Variants in PCDHGA8 observed in about 807,000 individuals in gnomAD.
The protein encoded by PCDHGA8 is protocadherin gamma subfamily A, 8.
In PCDHGA8, 45 loss-of-function variants were observed where a neutral mutation model predicts 59.2. The observed-to-expected ratio is 0.76, with a 90% CI of 0.60 to 0.98. PCDHGA8 has a LOEUF of 0.98. PCDHGA8 is among the 50% of genes least tolerant of loss of function. The probability of loss-of-function intolerance (pLI) is 0.00; values close to 1 mark genes in which losing one functional copy is unlikely to be tolerated. For synonymous variants in PCDHGA8, 531 were observed against 519.0 expected (o/e 1.02, Z -0.32); for missense variants, 1,257 against 1,196.2 (o/e 1.05, Z -0.75).
intron 1 of PCDHGA8, chr5:141,421,708 C>T (rs2096594348): frequency 1.9e-6 from 3 of 1,613,780 alleles, no homozygotes; most frequent in South Asian, 2.2e-5. Flanking sequence ...TGCTAGGGAT[C>T]CAGATGTGGG....
At chr5:141,414,640 G>A (rs1035735674) in intron 1 of PCDHGA8, 2 of 1,613,838 alleles carry the variant, frequency 1.2e-6, no homozygotes, top group Non-Finnish European at 1.7e-6. Flanking sequence ...CAAAGAGAAT[G>A]CCCAGATTAT....
At chr5:141,449,723 GA>G (rs1432635918) in intron 1 of PCDHGA8, among the ~76,000 whole-genome samples, 2 of 150,880 alleles carry the variant, frequency 1.3e-5, no homozygotes, top group Admixed American at 6.6e-5. Flanking sequence ...TATATGATAT[GA>G]TTTTTTTATG....
At chr5:141,480,033 C>T (rs370321166) in intron 1 of PCDHGA8, among the ~76,000 whole-genome samples, 1 of 152,106 alleles carries the variant, frequency 6.6e-6, no homozygotes, top group African/African-American at 2.4e-5. Flanking sequence ...AAGCCTCTTC[C>T]TCATATGCAA....
At position 141,485,035 on chromosome 5, in the gene PCDHGA8, AC is replaced by A; in HGVS notation, c.2425-9769del. ...CCGCCACCAGCAAAAACGGCGCGTA[AC>A]CCTTGCGGCGCCGGCCGAACCGCGC... On this transcript the variant is annotated intron_variant, in intron 1 of 3. Coordinates refer to ENST00000398604, the MANE Select transcript of PCDHGA8 (RefSeq NM_032088.2). The surrounding 1 kb of genome is among the most constrained non-coding windows in gnomAD (Gnocchi z 5.7). 1.4e-6 allele frequency: 1 copy of A among 694,388 alleles called. No homozygotes were observed. Among genetic ancestry groups the A allele is most frequent in the East Asian group, 2.6e-5 (1 of 38,852 alleles). The allele number at this position is 694,388 out of a possible 1,614,324, so 43.0% of individuals were successfully genotyped here.
intron 1 of PCDHGA8, chr5:141,415,752 T>C: frequency 7.3e-7 from 1 of 1,372,622 alleles, no homozygotes; most frequent in Non-Finnish European, 9.4e-7. Flanking sequence ...TTTTTTTTTT[T>C]TTTTTTTTTT....
At chr5:141,405,186 G>T (rs762537440) in intron 1 of PCDHGA8, 2 of 1,612,892 alleles carry the variant, frequency 1.2e-6, no homozygotes, top group Non-Finnish European at 1.7e-6. Context: ...GGTGTAGATG[G>T]GGTTCGAGCT....
chr5:141,432,139 TATCCCAGAGAACA>T lies in PCDHGA8; in HGVS notation c.2424+36912_2424+36924del, dbSNP rs745506362. On this transcript the variant is annotated intron_variant, in intron 1 of 3. Transcript: ENST00000398604. The surrounding 1 kb of genome is among the most constrained non-coding windows in gnomAD (Gnocchi z 6.0). ...TCCCTCAGGCCTCCTATTCCGCTTA[TATCCCAGAGAACA>T]ATCCCAGAGGAGTTTCCCTCGTCTC... 1.1e-5 allele frequency: 17 copies of T among 1,613,976 alleles called. No individual in the cohort carries two copies. The highest frequency in any genetic ancestry group is 1.3e-5 in the African/African-American group (1 of 74,892).
intron 3 of PCDHGA8, among the ~76,000 whole-genome samples, chr5:141,506,682 C>A (rs1333272766): frequency 6.6e-6 from 1 of 152,192 alleles, no homozygotes; most frequent in East Asian, 1.9e-4. Context: ...ATATTATTAT[C>A]TTTGCTGACC....
rs1228153118 is a variant in PCDHGA8 at position 141,433,077 on chromosome 5, C to G, written c.2424+37840C>G. 5.0e-6 allele frequency: 8 copies of G among 1,614,080 alleles called. No homozygotes were observed. The African/African-American group carries it at 6.7e-5, about 13-fold the overall frequency. On this transcript the variant is annotated intron_variant, in intron 1 of 3. Transcript: ENST00000398604. Reference sequence around the variant, plus strand: ...AAGAGTCACCTGATCTTCCCCCAGCCCAACTATGCAGACATGCTCGTCAGC... The same window carrying G: ...AAGAGTCACCTGATCTTCCCCCAGCGCAACTATGCAGACATGCTCGTCAGC...
rs561499055 is a variant in PCDHGA8 at position 141,423,745 on chromosome 5, C to G, written c.2424+28508C>G. 10 of 605,688 alleles carry G rather than the reference C, an allele frequency of 1.7e-5. No individual in the cohort carries two copies. The East Asian group carries it at 3.1e-4, about 19-fold the overall frequency. The allele number at this position is 605,688 out of a possible 1,614,324, so 37.5% of individuals were successfully genotyped here. A position where few individuals can be genotyped will look rare whatever the true frequency, so the allele number is the denominator to read the frequency against. The stretch of plus-strand genomic sequence containing the variant: ...ATGTTTTTTGAGCCTGTTATGAAAA[C>G]TGTTTGGGGGGGGGGTGGGGCGGCA... On this transcript the variant is annotated intron_variant, in intron 1 of 3. Coordinates refer to ENST00000398604, the MANE Select transcript of PCDHGA8 (RefSeq NM_032088.2).
intron 1 of PCDHGA8, 133 bp downstream of exon 1, chr5:141,395,370 G>A (rs377682598): frequency 1.7e-6 from 2 of 1,207,198 alleles, no homozygotes; most frequent in South Asian, 1.7e-5. Flanking sequence ...GTTTATTTTG[G>A]TGGTGTTACT....
chr5:141,470,459 A>T (rs59770804), intron 1 of PCDHGA8, among the ~76,000 whole-genome samples: 32,627 of 152,034 alleles, frequency 0.21, 3,610 homozygotes, highest in African/African-American at 0.27. Context: ...CTTGAATAGG[A>T]TTTTCTGATA....
At chr5:141,497,677 C>T in intron 2 of PCDHGA8, among the ~76,000 whole-genome samples, 1 of 151,836 alleles carries the variant, frequency 6.6e-6, no homozygotes, top group East Asian at 1.9e-4. Context: ...GTAGCTGGGA[C>T]AGCAGGTGTG....
intron 1 of PCDHGA8, chr5:141,407,992 G>A (rs929571955): frequency 4.3e-5 from 37 of 851,508 alleles, no homozygotes; most frequent in Middle Eastern, 3.7e-4. Context: ...GTCAGCCTCT[G>A]GCCTGGGATT....
intron 2 of PCDHGA8, among the ~76,000 whole-genome samples, chr5:141,505,145 G>A (rs540889707): frequency 1.3e-5 from 2 of 152,288 alleles, no homozygotes; most frequent in East Asian, 3.9e-4. Flanking sequence ...CTGGATGACA[G>A]AGTAAGACCC....
Position 141,476,641 on chromosome 5 carries a change from C to A in PCDHGA8, c.2425-18166C>A, listed in dbSNP as rs1183948220. The A allele has an allele frequency of 1.2e-6, 2 of 1,614,256 alleles. No homozygotes were observed. The highest frequency in any genetic ancestry group is 1.7e-5 in the Admixed American group (1 of 60,030). On this transcript the variant is annotated intron_variant, in intron 1 of 3. Transcript: ENST00000398604. This position sits in a 1 kb window ranked among gnomAD's most constrained non-coding sequence, Gnocchi z 7.6. ...ACTCTTTACAAACCTATGAGCTGAG[C>A]CGAAATGAATACTTTGCGCTTCGCG... is the stretch of plus-strand genomic sequence containing the variant.
intron 1 of PCDHGA8, chr5:141,409,818 C>G (rs1027344375): frequency 3.7e-6 from 6 of 1,610,800 alleles, no homozygotes; most frequent in African/African-American, 1.3e-5. Flanking sequence ...GACCACGGCT[C>G]GCCCACGCTC....
At chr5:141,409,034 AACT>A in intron 1 of PCDHGA8, 6 of 1,613,992 alleles carry the variant, frequency 3.7e-6, no homozygotes, top group Non-Finnish European at 4.2e-6. Flanking sequence ...TGCTGAGATA[AACT>A]ACTACTTCCG....
intron 1 of PCDHGA8, chr5:141,415,748 T>A: frequency 9.9e-7 from 1 of 1,008,964 alleles, no homozygotes; most frequent in Non-Finnish European, 1.2e-6. Context: ...AGGTTTTTTT[T>A]TTTTTTTTTT....
Sources: gnomAD v4.1 joint callset for allele counts (sites outside exome capture counted in the v4.1 genomes callset) on GRCh38, gnomAD v4.1.1 for gene constraint, Gnocchi (gnomAD v3.1) non-coding constraint, MANE v1.5 for transcripts, NCBI Gene and HGNC (gene_info 2026-07-23, HGNC 2026-07-21) for gene names.